Variants in ZFAND3 observed in about 807,000 individuals in gnomAD.
ZFAND3 encodes the protein zinc finger AN1-type containing 3.
Under a neutral mutation model 29.6 loss-of-function variants are expected in ZFAND3, and 10 were observed. The ratio of observed to expected loss-of-function variants is 0.34; its 90% CI spans 0.21 to 0.57. The LOEUF is 0.57. ZFAND3 is among the 20% of genes least tolerant of loss of function. ZFAND3 has a pLI of 0.86. For synonymous variants in ZFAND3, 128 were observed against 112.6 expected (o/e 1.14, Z -0.87); for missense variants, 230 against 304.5 (o/e 0.76, Z 1.82).
intron 2 of ZFAND3, among the ~76,000 whole-genome samples, chr6:38,037,102 A>G (rs1763672579): frequency 6.6e-6 from 1 of 152,206 alleles, no homozygotes; most frequent in African/African-American, 2.4e-5. Flanking sequence ...TATCCTGCCA[A>G]CTCAACACAT....
chr6:38,044,379 CT>C (rs200870195), intron 2 of ZFAND3, among the ~76,000 whole-genome samples: 174 of 144,884 alleles, frequency 1.2e-3, no homozygotes, highest in Admixed American at 1.2e-3. Flanking sequence ...AACACTCTTA[CT>C]TTTTTTTTTT....
intron 1 of ZFAND3, among the ~76,000 whole-genome samples, chr6:37,858,843 C>G (rs767794652): frequency 6.6e-6 from 1 of 152,196 alleles, no homozygotes; most frequent in African/African-American, 2.4e-5. Context: ...TTGGCTCTTT[C>G]GTGTTTATAG....
intron 2 of ZFAND3, among the ~76,000 whole-genome samples, chr6:37,986,964 T>C (rs1177223983): frequency 6.6e-6 from 1 of 152,224 alleles, no homozygotes; most frequent in East Asian, 1.9e-4. Context: ...CATGGACTCA[T>C]TCAGATAGCC....
chr6:38,007,572 G>A (rs927893321), intron 2 of ZFAND3, among the ~76,000 whole-genome samples: 2 of 152,054 alleles, frequency 1.3e-5, no homozygotes, highest in South Asian at 2.1e-4. Context: ...CACTTAGTTC[G>A]TTGTGTAGGA....
intron 5 of ZFAND3, among the ~76,000 whole-genome samples, chr6:38,118,116 G>A (rs1421147225): frequency 6.6e-6 from 1 of 152,224 alleles, no homozygotes; most frequent in Non-Finnish European, 1.5e-5. Flanking sequence ...GATAGGTGGT[G>A]GGAATAGAGG....
chr6:38,010,009 C>CA (rs1282968512), intron 2 of ZFAND3, among the ~76,000 whole-genome samples: 1 of 152,146 alleles, frequency 6.6e-6, no homozygotes, highest in African/African-American at 2.4e-5. Flanking sequence ...TTTCTGGTCG[C>CA]AAAAACATCA....
intron 1 of ZFAND3, among the ~76,000 whole-genome samples, chr6:37,898,740 TTTA>T (rs1218535262): frequency 6.6e-6 from 1 of 152,190 alleles, no homozygotes; most frequent in African/African-American, 2.4e-5. Flanking sequence ...TTTTAACTTG[TTTA>T]TTGTTTTAAA....
At chr6:38,053,042 A>C (rs1021311691) in intron 2 of ZFAND3, among the ~76,000 whole-genome samples, 7 of 150,538 alleles carry the variant, frequency 4.6e-5, no homozygotes, top group Non-Finnish European at 8.9e-5. Context: ...TCGAAAAAAA[A>C]AAAAAAGAAA....
chr6:38,040,574 A>T (rs758584453), intron 2 of ZFAND3, among the ~76,000 whole-genome samples: 4 of 152,188 alleles, frequency 2.6e-5, no homozygotes, highest in Non-Finnish European at 4.4e-5. Context: ...TAAATCTTTT[A>T]ATTTTGATAC....
At chr6:37,883,433 C>T (rs1388674950) in intron 1 of ZFAND3, among the ~76,000 whole-genome samples, 2 of 149,250 alleles carry the variant, frequency 1.3e-5, no homozygotes, top group Non-Finnish European at 2.9e-5. Context: ...CGCTGTTGAA[C>T]GTATAGAAAG....
rs748332594 is a variant in ZFAND3, at chr6:37,819,990, G to A, written c.45G>A (p.Pro15=). The part of the protein sequence containing the change: ...GSERSKAPSL[P]PRCPCGFWGS... ...AGCGCAGCAAAGCGCCCAGCCTGCC[G>A]CCTCGCTGTCCCTGCGGCTTCTGGG... The change falls in exon 1 of 6, where the codon CCG becomes CCA. Residue 15 remains proline, a synonymous_variant. Coordinates refer to ENST00000287218, the MANE Select transcript of ZFAND3 (RefSeq NM_021943.3). The A allele has an allele frequency of 1.6e-6, 2 of 1,221,714 alleles. No homozygotes were observed. The highest frequency in any genetic ancestry group is 2.0e-6 in the Non-Finnish European group (2 of 981,322). The allele number at this position is 1,221,714 out of a possible 1,614,324, so 75.7% of individuals were successfully genotyped here.
At chr6:37,885,316 C>A (rs1012482826) in intron 1 of ZFAND3, among the ~76,000 whole-genome samples, 2 of 152,118 alleles carry the variant, frequency 1.3e-5, no homozygotes, top group Non-Finnish European at 2.9e-5. Context: ...ACCTTGGTTT[C>A]CTCATCCCTA....
At chr6:38,132,238 G>C (rs909322958) in intron 5 of ZFAND3, among the ~76,000 whole-genome samples, 1 of 152,200 alleles carries the variant, frequency 6.6e-6, no homozygotes, top group Non-Finnish European at 1.5e-5. Context: ...TGGGCTGGGT[G>C]CGGTGGCTCA....
At chr6:38,070,540 A>T (rs558337085) in intron 3 of ZFAND3, among the ~76,000 whole-genome samples, 8 of 152,000 alleles carry the variant, frequency 5.3e-5, no homozygotes, top group Middle Eastern at 6.8e-3. Context: ...GATCTGCCTT[A>T]CTCCTGCATA....
chr6:37,835,168 T>A (rs1451036556), intron 1 of ZFAND3, among the ~76,000 whole-genome samples: 6 of 152,168 alleles, frequency 3.9e-5, no homozygotes, highest in African/African-American at 1.4e-4. Flanking sequence ...GGTTTTTGTT[T>A]TGTTGTTGGA....
Position 37,882,360 on chromosome 6 carries a change from C to T in ZFAND3, c.72-47599C>T, listed in dbSNP as rs556734195. Among the ~76,000 whole-genome samples the T allele has an allele frequency of 1.2e-3, 186 of 152,166 alleles. 1 individual carries two copies. The highest frequency in any genetic ancestry group is 1.6e-3 in the African/African-American group (65 of 41,492). The stretch of plus-strand genomic sequence containing the variant: ...AGTCAAATCAGAAGCATGATATAGC[C>T]GCCCCCCCAATTCTCTTCCTCCTTC... On this transcript the variant is annotated intron_variant, in intron 1 of 5. Coordinates refer to ENST00000287218, the MANE Select transcript of ZFAND3 (RefSeq NM_021943.3).
chr6:37,893,743 G>T (rs1481911086), intron 1 of ZFAND3, among the ~76,000 whole-genome samples: 1 of 152,004 alleles, frequency 6.6e-6, no homozygotes, highest in East Asian at 1.9e-4. Flanking sequence ...TAGTAGAGAC[G>T]TGGTTTTACC....
At chr6:37,875,203 A>C (rs1337071299) in intron 1 of ZFAND3, among the ~76,000 whole-genome samples, 1 of 152,232 alleles carries the variant, frequency 6.6e-6, no homozygotes, top group Non-Finnish European at 1.5e-5. Context: ...AATTTTAAAA[A>C]TAATAGACTC....
At chr6:37,821,420 G>A (rs539028483) in intron 1 of ZFAND3, among the ~76,000 whole-genome samples, 2 of 152,314 alleles carry the variant, frequency 1.3e-5, no homozygotes, top group East Asian at 1.9e-4. Flanking sequence ...TAATTGGTTT[G>A]CCTGTGAAGT....
Sources: allele counts gnomAD v4.1 joint callset (sites outside exome capture counted in the v4.1 genomes callset), GRCh38; gene constraint gnomAD v4.1.1; transcripts MANE v1.5; gene names NCBI Gene and HGNC (gene_info 2026-07-23, HGNC 2026-07-21).